SOX6: variants seen among roughly 807,000 people sequenced by gnomAD.
The protein encoded by SOX6 is SRY-box transcription factor 6, also known as transcription factor SOX-6.
SOX6 carries 11 observed loss-of-function variants against 97.8 expected under a neutral mutation model. The observed-to-expected ratio is 0.11, with a 90% CI of 0.07 to 0.19. The LOEUF (loss-of-function observed/expected upper bound fraction) is 0.19, where lower values mean the gene tolerates loss of function less well. Among genes scored for constraint, SOX6 ranks in the 10% least tolerant of loss-of-function variants. SOX6 has a pLI of 1.00. For missense variants in SOX6, 810 were observed against 1,039.5 expected, an observed-to-expected ratio of 0.78 and a Z score of 3.04; for synonymous variants, 360 against 371.4, an observed-to-expected ratio of 0.97 and a Z score of 0.35.
chr11:16,014,892 A>G (rs775363713), intron 13 of SOX6, 50 bp downstream of exon 13: 1 of 1,538,544 alleles, frequency 6.5e-7, no homozygotes, highest in African/African-American at 1.4e-5. Context: ...TCAGACACAC[A>G]TTTGGAAACA....
chr11:16,225,833 T>A (rs1475840176), intron 4 of SOX6, among the ~76,000 whole-genome samples: 1 of 152,208 alleles, frequency 6.6e-6, no homozygotes, highest in Non-Finnish European at 1.5e-5. Context: ...AGGCCCTCAG[T>A]GGCACTTAGT....
intron 3 of SOX6, among the ~76,000 whole-genome samples, chr11:16,618,187 T>C (rs959408093): frequency 2.0e-5 from 3 of 151,896 alleles, no homozygotes; most frequent in Admixed American, 1.3e-4. Flanking sequence ...TGGCTGAAGA[T>C]TTGGAGCTCA....
rs1272232137 is a variant in SOX6 at position 15,967,564 on chromosome 11, A to T, written c.*5245T>A. 3 of 152,352 alleles carry T rather than the reference A, an allele frequency of 2.0e-5. No homozygotes were observed. The highest frequency in any genetic ancestry group is 2.1e-4 in the South Asian group (1 of 4,832). The allele number at this position is 152,352 out of a possible 1,614,324, so 9.4% of individuals were successfully genotyped here. On this transcript the variant is annotated 3_prime_UTR_variant, in exon 16 of 16. Coordinates refer to ENST00000683767, the MANE Select transcript of SOX6 (RefSeq NM_001367873.1). ...GGCAAATACAATAATGAATGAACAT[A>T]AATGCTAAGCATTCTAATTTGCTAC...
At chr11:16,279,075 T>C (rs1040458251) in intron 3 of SOX6, among the ~76,000 whole-genome samples, 1 of 152,104 alleles carries the variant, frequency 6.6e-6, no homozygotes, top group Non-Finnish European at 1.5e-5. Context: ...GCAGGACTCT[T>C]GATACTTTCA....
At chr11:16,582,535 G>A (rs1848040907) in intron 4 of SOX6, among the ~76,000 whole-genome samples, 1 of 151,890 alleles carries the variant, frequency 6.6e-6, no homozygotes, top group African/African-American at 2.4e-5. Flanking sequence ...ATGAATAAAT[G>A]CAAGCTAAAT....
At chr11:15,997,675 T>G (rs945390288) in intron 13 of SOX6, among the ~76,000 whole-genome samples, 1 of 152,272 alleles carries the variant, frequency 6.6e-6, no homozygotes, top group East Asian at 1.9e-4. Flanking sequence ...AAAAGGAAAC[T>G]TTCCCAGTCT....
chr11:16,225,229 G>A (rs751922110), intron 4 of SOX6, among the ~76,000 whole-genome samples: 2 of 151,822 alleles, frequency 1.3e-5, no homozygotes, highest in Non-Finnish European at 2.9e-5. Flanking sequence ...AAAATCCCTA[G>A]GTATGTGAAC....
intron 10 of SOX6, among the ~76,000 whole-genome samples, chr11:16,052,367 T>C (rs1213242457): frequency 1.3e-5 from 2 of 152,124 alleles, no homozygotes; most frequent in Non-Finnish European, 2.9e-5. Flanking sequence ...TTCTTACATA[T>C]AAGAGGCATA....
intron 4 of SOX6, among the ~76,000 whole-genome samples, chr11:16,532,122 G>GT (rs1243591834): frequency 7.2e-4 from 110 of 151,730 alleles, no homozygotes; most frequent in African/African-American, 2.6e-3. Context: ...TTATCCATTC[G>GT]TAACTAGCAT....
At chr11:16,535,826 A>C (rs1861300123) in intron 4 of SOX6, among the ~76,000 whole-genome samples, 1 of 152,252 alleles carries the variant, frequency 6.6e-6, no homozygotes, top group South Asian at 2.1e-4. Context: ...CTGATTCAGG[A>C]AGTCTATCAG....
intron 3 of SOX6, among the ~76,000 whole-genome samples, chr11:16,261,368 A>G (rs1853889850): frequency 6.6e-6 from 1 of 152,130 alleles, no homozygotes; most frequent in Non-Finnish European, 1.5e-5. Context: ...ATTTAATACT[A>G]TGTTTTAATC....
At chr11:16,021,243 T>G (rs1855050750) in intron 12 of SOX6, among the ~76,000 whole-genome samples, 1 of 152,176 alleles carries the variant, frequency 6.6e-6, no homozygotes, top group Admixed American at 6.5e-5. Context: ...AGGTTTGTTT[T>G]GTTTTGAAAG....
At chr11:16,133,679 T>C (rs1849880751) in intron 6 of SOX6, among the ~76,000 whole-genome samples, 2 of 152,072 alleles carry the variant, frequency 1.3e-5, no homozygotes, top group Admixed American at 1.3e-4. Flanking sequence ...TTTTGTTTTG[T>C]TTTGTTTTGT....
intron 1 of SOX6, among the ~76,000 whole-genome samples, chr11:16,471,365 C>A (rs1860139803): frequency 6.6e-6 from 1 of 152,112 alleles, no homozygotes; most frequent in Non-Finnish European, 1.5e-5. Context: ...ATTTGAGTAG[C>A]TAAGATTCCA....
chr11:16,508,065 A>G (rs887303825), intron 4 of SOX6, among the ~76,000 whole-genome samples: 1 of 152,140 alleles, frequency 6.6e-6, no homozygotes, highest in African/African-American at 2.4e-5. Flanking sequence ...ATTCTATTAA[A>G]AAGTAGGCAA....
intron 13 of SOX6, among the ~76,000 whole-genome samples, chr11:16,000,491 C>T (rs1177017143): frequency 6.6e-6 from 1 of 152,130 alleles, no homozygotes; most frequent in Non-Finnish European, 1.5e-5. Context: ...TATATAAGAG[C>T]CGATGGTACA....
intron 4 of SOX6, among the ~76,000 whole-genome samples, chr11:16,522,859 C>T (rs1480949677): frequency 6.6e-6 from 1 of 152,096 alleles, no homozygotes; most frequent in Non-Finnish European, 1.5e-5. Context: ...GACTTTAAAC[C>T]AACAAAGATC....
chr11:16,595,487 G>T (rs181090870), intron 4 of SOX6, among the ~76,000 whole-genome samples: 1 of 151,480 alleles, frequency 6.6e-6, no homozygotes, highest in Non-Finnish European at 1.5e-5. Context: ...TGAGTTTCCA[G>T]ATTATGAAAT....
intron 12 of SOX6, among the ~76,000 whole-genome samples, chr11:16,040,861 T>C (rs1388678300): frequency 1.3e-5 from 2 of 152,068 alleles, no homozygotes; most frequent in Non-Finnish European, 2.9e-5. Flanking sequence ...CGAATATATA[T>C]GTAATAATAT....
Sources: gnomAD v4.1 joint callset for allele counts (sites outside exome capture counted in the v4.1 genomes callset) on GRCh38, gnomAD v4.1.1 for gene constraint, MANE v1.5 for transcripts, NCBI Gene and HGNC (gene_info 2026-07-23, HGNC 2026-07-21) for gene names.